FAM3B: variants seen among roughly 807,000 people sequenced by gnomAD.
FAM3B encodes FAM3 metabolism regulating signaling molecule B.
A neutral mutation model predicts 28.4 loss-of-function variants in FAM3B; 29 were observed. The ratio of observed to expected loss-of-function variants is 1.02; its 90% CI spans 0.76 to 1.39. FAM3B has a LOEUF of 1.39. FAM3B is among the 40% of genes most tolerant of loss of function. FAM3B has a pLI of 0.00. For synonymous variants in FAM3B, 91 were observed against 103.0 expected, an observed-to-expected ratio of 0.88 and a Z score of 0.71; for missense variants, 266 against 293.9, an observed-to-expected ratio of 0.91 and a Z score of 0.69.
chr21:41,305,577 G>A (rs1046367986), intron 1 of FAM3B, among the ~76,000 whole-genome samples: 2 of 152,142 alleles, frequency 1.3e-5, no homozygotes, highest in Non-Finnish European at 2.9e-5. Context: ...CTGCAATAAA[G>A]CCAATATCAC....
intron 2 of FAM3B, among the ~76,000 whole-genome samples, chr21:41,325,588 G>A (rs908218367): frequency 2.4e-4 from 37 of 152,290 alleles, no homozygotes; most frequent in South Asian, 1.0e-3. Flanking sequence ...GTCCAGGGTG[G>A]AAGCCAAGAA....
intron 1 of FAM3B, among the ~76,000 whole-genome samples, chr21:41,322,398 G>A (rs1601351573): frequency 6.6e-6 from 1 of 152,152 alleles, no homozygotes; most frequent in Non-Finnish European, 1.5e-5. Context: ...CAGTATTACG[G>A]GGCCAGGCCT....
At chr21:41,345,617 G>A in intron 4 of FAM3B, 69 bp from the exon 5 acceptor site, 2 of 863,428 alleles carry the variant, frequency 2.3e-6, no homozygotes, top group South Asian at 3.6e-5. Flanking sequence ...CCTTCCCCAG[G>A]CCCTGGTGCC....
rs1295480861 is a variant in FAM3B, at chr21:41,357,725, G to A, written c.*528G>A. Among the ~76,000 whole-genome samples, 1 of 152,096 alleles carries A rather than the reference G, an allele frequency of 6.6e-6. No homozygotes were observed. Among genetic ancestry groups the A allele is most frequent in the Non-Finnish European group, 1.5e-5 (1 of 68,034 alleles). ...GTATTCATTCATTCCACAACTCTGGGTGCCTCCCACGTCTGGCACCGGGGG... is the reference window on the plus strand; with the variant it reads ...GTATTCATTCATTCCACAACTCTGGATGCCTCCCACGTCTGGCACCGGGGG... On this transcript the variant is annotated 3_prime_UTR_variant, in exon 8 of 8. Transcript: ENST00000357985.
intron 7 of FAM3B, among the ~76,000 whole-genome samples, chr21:41,351,310 A>C (rs2089118496): frequency 6.6e-6 from 1 of 152,184 alleles, no homozygotes; most frequent in African/African-American, 2.4e-5. Flanking sequence ...ATGTGTTTGG[A>C]AATGGTGGCT....
intron 1 of FAM3B, chr21:41,319,993 C>A (rs12483517): frequency 0.35 from 53,410 of 151,946 alleles, 13,126 homozygotes; most frequent in African/African-American, 0.7. Flanking sequence ...ATGAGGACAC[C>A]CACAGAGGCC....
chr21:41,311,393 G>T (rs554111726), intron 1 of FAM3B, among the ~76,000 whole-genome samples: 8 of 146,368 alleles, frequency 5.5e-5, no homozygotes, highest in African/African-American at 2.0e-4. Flanking sequence ...AACCTGGAAG[G>T]TTGAGGCTGC....
chr21:41,345,835 C>A, intron 5 of FAM3B, 99 bp downstream of exon 5: 1 of 785,612 alleles, frequency 1.3e-6, no homozygotes, highest in Non-Finnish European at 2.2e-6. Context: ...ATTTTGTCTA[C>A]TAGAAAAACG....
At chr21:41,354,445 A>T (rs2089147366) in intron 7 of FAM3B, among the ~76,000 whole-genome samples, 1 of 152,240 alleles carries the variant, frequency 6.6e-6, no homozygotes, top group African/African-American at 2.4e-5. Context: ...CCCATCAATG[A>T]TAGACTGAAT....
chr21:41,312,901 G>C (rs565006723), upstream of FAM3B, among the ~76,000 whole-genome samples: 2 of 152,324 alleles, frequency 1.3e-5, no homozygotes, highest in South Asian at 4.1e-4. Flanking sequence ...AGTGGGAATG[G>C]GGCAGAGAAG....
intron 2 of FAM3B, among the ~76,000 whole-genome samples, chr21:41,332,897 G>C (rs1239764049): frequency 6.6e-6 from 1 of 151,080 alleles, no homozygotes; most frequent in East Asian, 1.9e-4. Flanking sequence ...CTGTTTTTTT[G>C]GCCTTTTCTA....
intron 7 of FAM3B, among the ~76,000 whole-genome samples, chr21:41,356,461 CTG>C (rs1302237584): frequency 6.6e-6 from 1 of 152,166 alleles, no homozygotes; most frequent in Non-Finnish European, 1.5e-5. Context: ...TTATTGAACA[CTG>C]TACTGAAAGT....
At chr21:41,327,405 A>G (rs776735032) in intron 2 of FAM3B, among the ~76,000 whole-genome samples, 1 of 152,214 alleles carries the variant, frequency 6.6e-6, no homozygotes, top group Non-Finnish European at 1.5e-5. Flanking sequence ...TGTGACTTGC[A>G]CAGGAGCCAG....
chr21:41,346,608 A>G (rs1229124286), intron 5 of FAM3B, among the ~76,000 whole-genome samples: 1 of 151,744 alleles, frequency 6.6e-6, no homozygotes, highest in Non-Finnish European at 1.5e-5. Context: ...GTGACTACAG[A>G]GAACACTCCA....
intron 3 of FAM3B, among the ~76,000 whole-genome samples, chr21:41,343,545 T>C (rs1424959594): frequency 6.6e-6 from 1 of 152,018 alleles, no homozygotes; most frequent in Non-Finnish European, 1.5e-5. Flanking sequence ...CATAGGGGAG[T>C]TTAGGTAAAG....
chr21:41,315,423 G>C (rs2123687933), upstream of FAM3B, among the ~76,000 whole-genome samples: 1 of 152,170 alleles, frequency 6.6e-6, no homozygotes, highest in African/African-American at 2.4e-5. Flanking sequence ...TTTAGGTTGT[G>C]CATTTTTTAG....
intron 1 of FAM3B, among the ~76,000 whole-genome samples, chr21:41,306,851 T>C (rs1444851300): frequency 6.6e-6 from 1 of 152,248 alleles, no homozygotes; most frequent in African/African-American, 2.4e-5. Context: ...GCATTCATCA[T>C]CTGAATAGTG....
chr21:41,341,360 T>C (rs2089005901), intron 3 of FAM3B, among the ~76,000 whole-genome samples: 1 of 152,240 alleles, frequency 6.6e-6, no homozygotes, highest in South Asian at 2.1e-4. Flanking sequence ...GGCGAGCAGT[T>C]GTGTAACCAC....
At chr21:41,357,044 A>G (rs2089173256) in intron 7 of FAM3B, 64 bp from the exon 8 acceptor site, 1 of 1,258,158 alleles carries the variant, frequency 7.9e-7, no homozygotes, top group African/African-American at 1.5e-5. Context: ...CTCACAACTG[A>G]TACTGATTAA....
Sources: gnomAD v4.1 joint callset for allele counts (sites outside exome capture counted in the v4.1 genomes callset) on GRCh38, gnomAD v4.1.1 for gene constraint, MANE v1.5 for transcripts, NCBI Gene and HGNC (gene_info 2026-07-23, HGNC 2026-07-21) for gene names.